ANKRD30B: variants seen among roughly 807,000 people sequenced by gnomAD.
ANKRD30B encodes ankyrin repeat domain 30B, also known as ankyrin repeat domain-containing protein 30B.
In ANKRD30B, 144 loss-of-function variants were observed where a neutral mutation model predicts 202.2. The observed-to-expected ratio is 0.71, with a 90% CI of 0.62 to 0.82. ANKRD30B has a LOEUF of 0.82. Ranked by LOEUF, ANKRD30B falls within the 40% of genes least tolerant of loss-of-function variation. ANKRD30B has a pLI of 0.00. For missense variants in ANKRD30B, 1,487 were observed against 1,669.1 expected, an observed-to-expected ratio of 0.89 and a Z score of 1.90; for synonymous variants, 508 against 561.3, an observed-to-expected ratio of 0.91 and a Z score of 1.34.
downstream of ANKRD30B, among the ~76,000 whole-genome samples, chr18:14,859,176 C>T (rs1208122589): frequency 1.5e-4 from 16 of 103,782 alleles, no homozygotes; most frequent in African/African-American, 4.6e-4. Flanking sequence ...CCAGATGGGG[C>T]GGGCTGGCAG....
chr18:14,764,851 A>T (rs1421872478), intron 7 of ANKRD30B, among the ~76,000 whole-genome samples: 2 of 152,220 alleles, frequency 1.3e-5, no homozygotes, highest in African/African-American at 4.8e-5. Context: ...TGTTGGCTGG[A>T]TTATACCACA....
the ANKRD30B span, among the ~76,000 whole-genome samples, chr18:14,907,547 C>T: frequency 1.3e-5 from 2 of 152,172 alleles, no homozygotes; most frequent in Non-Finnish European, 2.9e-5. Context: ...AGAAGATGGG[C>T]TGGCGTCTGT....
At chr18:14,922,382 G>T in the ANKRD30B span, among the ~76,000 whole-genome samples, 1 of 152,134 alleles carries the variant, frequency 6.6e-6, no homozygotes, top group Non-Finnish European at 1.5e-5. Context: ...ACGGCTGGGC[G>T]TGGTGGCTCA....
At chr18:14,775,410 G>A (rs576685987) in intron 9 of ANKRD30B, among the ~76,000 whole-genome samples, 22 of 152,246 alleles carry the variant, frequency 1.4e-4, no homozygotes, top group African/African-American at 5.3e-4. Flanking sequence ...AGCTCTAATT[G>A]GATTCAGGGA....
intron 30 of ANKRD30B, among the ~76,000 whole-genome samples, chr18:14,820,633 G>C (rs1440941926): frequency 6.6e-6 from 1 of 152,038 alleles, no homozygotes; most frequent in African/African-American, 2.4e-5. Context: ...TGTGTTTTTT[G>C]TCTTTGGCTC....
At chr18:14,846,072 T>A (rs918586857) in intron 39 of ANKRD30B, among the ~76,000 whole-genome samples, 3 of 146,248 alleles carry the variant, frequency 2.1e-5, no homozygotes, top group Admixed American at 2.0e-4. Flanking sequence ...TTTCTTATTT[T>A]TTTTTTTTTT....
intron 20 of ANKRD30B, among the ~76,000 whole-genome samples, chr18:14,798,137 T>A (rs34477667): frequency 6.6e-6 from 1 of 150,756 alleles, no homozygotes; most frequent in Non-Finnish European, 1.5e-5. Context: ...GGTTGAGAAA[T>A]AATAGACACA....
the ANKRD30B span, among the ~76,000 whole-genome samples, chr18:14,934,340 C>T: frequency 1.3e-5 from 2 of 152,312 alleles, no homozygotes; most frequent in East Asian, 3.9e-4. Context: ...GAGTTCGATT[C>T]CTCTCCTTTC....
the ANKRD30B span, among the ~76,000 whole-genome samples, chr18:14,904,903 C>A: frequency 1.3e-5 from 2 of 152,120 alleles, no homozygotes; most frequent in African/African-American, 4.8e-5. Flanking sequence ...GGGCTGCATT[C>A]CCAGGAGGTT....
intron 34 of ANKRD30B, among the ~76,000 whole-genome samples, chr18:14,835,751 G>T (rs1971142560): frequency 6.6e-6 from 1 of 151,786 alleles, no homozygotes; most frequent in South Asian, 2.1e-4. Flanking sequence ...CATAAGAAAA[G>T]CATGTGAATT....
At chr18:14,806,858 G>T (rs1434389672) in intron 24 of ANKRD30B, among the ~76,000 whole-genome samples, 1 of 150,418 alleles carries the variant, frequency 6.6e-6, no homozygotes, top group Non-Finnish European at 1.5e-5. Context: ...CCTAAAACAA[G>T]CAGATGAATT....
chr18:14,823,688 A>T (rs1472346819), intron 32 of ANKRD30B, among the ~76,000 whole-genome samples: 2 of 152,132 alleles, frequency 1.3e-5, no homozygotes, highest in African/African-American at 4.8e-5. Context: ...AATATGTTAC[A>T]ACAGGCTGTG....
chr18:14,884,423 A>G, the ANKRD30B span, among the ~76,000 whole-genome samples: 1 of 152,140 alleles, frequency 6.6e-6, no homozygotes, highest in South Asian at 2.1e-4. Flanking sequence ...CATGAGCCAC[A>G]TAAACTATGA....
At chr18:14,875,168 G>A in the ANKRD30B span, among the ~76,000 whole-genome samples, 2 of 152,176 alleles carry the variant, frequency 1.3e-5, no homozygotes, top group Admixed American at 1.3e-4. Flanking sequence ...CAGAAGAGCA[G>A]TCACAGGTCT....
In ANKRD30B at chr18:14,854,156, G is replaced by T. The variant is rs1331975175; in HGVS notation, c.*34-36G>T. ...TAATGTGCTTATTTTTAAAACTGTGGCTATCATTCTGCAATGTTTTTCTTT... is the reference window on the plus strand; with the variant it reads ...TAATGTGCTTATTTTTAAAACTGTGTCTATCATTCTGCAATGTTTTTCTTT... On this transcript the variant is annotated intron_variant, in intron 43 of 43. Coordinates refer to ENST00000690538, the MANE Select transcript of ANKRD30B (RefSeq NM_001367607.2). Among the ~76,000 whole-genome samples, 3 of 151,466 alleles carry T rather than the reference G, an allele frequency of 2.0e-5. No individual in the cohort carries two copies. The South Asian group carries it at 6.3e-4, about 32-fold the overall frequency.
chr18:14,928,439 C>G, the ANKRD30B span, among the ~76,000 whole-genome samples: 1,463 of 152,256 alleles, frequency 9.6e-3, 26 homozygotes, highest in African/African-American at 0.033. Context: ...CTTGGAATCA[C>G]CCAATCAGCT....
At chr18:14,873,748 A>G in the ANKRD30B span, among the ~76,000 whole-genome samples, 1 of 152,148 alleles carries the variant, frequency 6.6e-6, no homozygotes, top group Admixed American at 6.5e-5. Context: ...GCTCTTTATT[A>G]TTAATAGCAT....
intron 34 of ANKRD30B, among the ~76,000 whole-genome samples, chr18:14,833,146 A>C (rs1971025839): frequency 6.6e-6 from 1 of 151,910 alleles, no homozygotes; most frequent in African/African-American, 2.4e-5. Flanking sequence ...CATGTTGCCC[A>C]GGATGGTGTC....
the ANKRD30B span, among the ~76,000 whole-genome samples, chr18:14,917,219 C>A: frequency 6.6e-6 from 1 of 152,188 alleles, no homozygotes; most frequent in African/African-American, 2.4e-5. Flanking sequence ...CTATTTTTCC[C>A]TTTTCTCTAA....
Sources: allele counts gnomAD v4.1 joint callset (sites outside exome capture counted in the v4.1 genomes callset), GRCh38; gene constraint gnomAD v4.1.1; transcripts MANE v1.5; gene names NCBI Gene and HGNC (gene_info 2026-07-23, HGNC 2026-07-21).